Variants in PDE4A observed in about 807,000 individuals in gnomAD.
PDE4A encodes the protein 3',5'-cyclic-AMP phosphodiesterase 4A.
PDE4A carries 21 observed loss-of-function variants against 73.9 expected under a neutral mutation model. The observed-to-expected ratio is 0.28, with a 90% CI of 0.20 to 0.41. The LOEUF is 0.41. Among genes scored for constraint, PDE4A ranks in the 10% least tolerant of loss-of-function variants. PDE4A has a pLI of 1.00. For missense variants in PDE4A, 958 were observed against 1,211.4 expected, an observed-to-expected ratio of 0.79 and a Z score of 3.10; for synonymous variants, 463 against 505.4, an observed-to-expected ratio of 0.92 and a Z score of 1.13.
Position 10,454,918 on chromosome 19 carries a change from C to T in PDE4A, c.873C>T (p.Phe291=), listed in dbSNP as rs139027554. The change falls in exon 7 of 15, where the codon TTC becomes TTT. Residue 291 remains phenylalanine (F), a synonymous_variant. Transcript: ENST00000380702. ...TCTCAGAGTACATTTCCACAACATT[C>T]CTGGGTGAGTGAGGGGAAGCACGTG... is the stretch of plus-strand genomic sequence containing the variant. ...NQVSEYISTT[F]LDKQNEVEIP... The T allele has an allele frequency of 6.2e-7, 1 of 1,613,938 alleles. No individual in the cohort carries two copies. The highest frequency in any genetic ancestry group is 8.5e-7 in the Non-Finnish European group (1 of 1,179,904).
In PDE4A at chr19:10,442,251, G is replaced by A. The variant is rs190203066; in HGVS notation, c.321-3967G>A. The stretch of plus-strand genomic sequence containing the variant: ...AAGAAATAAGTTTGAAATCTCCTAG[G>A]CCTGCCAGGCACCTATAATCCCAGC... On this transcript the variant is annotated intron_variant, in intron 1 of 14. Coordinates refer to ENST00000380702, the MANE Select transcript of PDE4A (RefSeq NM_001111307.2). 3.0e-3 allele frequency among the ~76,000 whole-genome samples: 456 copies of A among 152,054 alleles called. 10 individuals are homozygous for A. Among genetic ancestry groups the A allele is most frequent in the Admixed American group, 0.027 (415 of 15,224 alleles).
intron 1 of PDE4A, among the ~76,000 whole-genome samples, chr19:10,421,907 T>C (rs778331756): frequency 5.3e-5 from 8 of 152,168 alleles, no homozygotes; most frequent in Non-Finnish European, 7.4e-5. Context: ...GTGTGCTCTG[T>C]GTGAGCTTCT....
At chr19:10,421,944 C>T (rs370652094) in intron 1 of PDE4A, among the ~76,000 whole-genome samples, 6 of 152,176 alleles carry the variant, frequency 3.9e-5, no homozygotes, top group Non-Finnish European at 5.9e-5. Context: ...GACACGATGA[C>T]TCTGTGTCCT....
chr19:10,440,045 C>T (rs937218598), intron 1 of PDE4A, among the ~76,000 whole-genome samples: 3 of 132,822 alleles, frequency 2.3e-5, no homozygotes, highest in Admixed American at 8.6e-5. Flanking sequence ...AGTGCAGTGG[C>T]GTGATCTTGG....
chr19:10,452,420 A>G (rs2043105560), intron 6 of PDE4A, among the ~76,000 whole-genome samples: 1 of 150,610 alleles, frequency 6.6e-6, no homozygotes, highest in African/African-American at 2.5e-5. Flanking sequence ...CTGGGCGACA[A>G]GAGTGAAAAC....
Position 10,467,962 on chromosome 19 carries a change from C to T in PDE4A, c.*341C>T, listed in dbSNP as rs200538384. ...TGTAGATGCTCCTGTTCCTGGTTCC[C>T]GCTTTCCACTTCCAAATCCCTCCCC... is the stretch of plus-strand genomic sequence containing the variant. On this transcript the variant is annotated 3_prime_UTR_variant, in exon 15 of 15. Coordinates refer to ENST00000380702, the MANE Select transcript of PDE4A (RefSeq NM_001111307.2). The T allele has an allele frequency of 5.3e-5, 9 of 170,934 alleles. No homozygotes were observed. The highest frequency in any genetic ancestry group is 1.3e-4 in the Admixed American group (2 of 15,910). 10.6% of individuals were successfully genotyped at this position (170,934 alleles called of 1,614,324 possible).
At position 10,466,982 on chromosome 19, in the gene PDE4A, C is replaced by A. The variant is rs1332670484; in HGVS notation, c.2022C>A (p.Asp674Glu). Residue 674 changes from aspartate to glutamate, a missense_variant, in exon 15 of 15, where the codon GAC becomes GAA. By Grantham distance (45) the Asp-to-Glu change is conservative. Transcript: ENST00000380702. ...AGGAGATCTTGGACACTTTGGAGGACAACCGGGACTGGTACTACAGCGCCA... is the reference window on the plus strand; with the variant it reads ...AGGAGATCTTGGACACTTTGGAGGAAAACCGGGACTGGTACTACAGCGCCA... ...DAQEILDTLE[D>E]NRDWYYSAIR... The A allele has an allele frequency of 6.8e-6, 11 of 1,614,170 alleles. No homozygotes were observed. The highest frequency in any genetic ancestry group is 9.3e-6 in the Non-Finnish European group (11 of 1,180,036).
chr19:10,420,467 G>T, upstream of PDE4A: 2 of 824,424 alleles, frequency 2.4e-6, no homozygotes, highest in Non-Finnish European at 2.9e-6. This position sits in a 1 kb window ranked among gnomAD's most constrained non-coding sequence, Gnocchi z 6.0. Context: ...GGGGCGGGGA[G>T]GGGCGGGACG....
At chr19:10,449,284 AAGCCAGAG>A in intron 4 of PDE4A, 134 bp downstream of exon 4, 1 of 905,288 alleles carries the variant, frequency 1.1e-6, no homozygotes, top group Non-Finnish European at 1.7e-6. Flanking sequence ...AGCTCCCAGA[AAGCCAGAG>A]AGCCATTGCA....
intron 2 of PDE4A, 184 bp from the exon 3 acceptor site, chr19:10,448,733 G>C (rs1422903145): frequency 2.5e-6 from 2 of 799,716 alleles, no homozygotes; most frequent in Admixed American, 1.3e-4. Context: ...CTCCTTGACT[G>C]CCATTTCTTC....
intron 4 of PDE4A, 127 bp downstream of exon 4, chr19:10,449,277 T>C: frequency 4.1e-6 from 4 of 978,138 alleles, no homozygotes; most frequent in Non-Finnish European, 6.2e-6. Flanking sequence ...AGACAACAGC[T>C]CCCAGAAAGC....
At chr19:10,433,889 G>A (rs989032093) in intron 1 of PDE4A, among the ~76,000 whole-genome samples, 7 of 151,810 alleles carry the variant, frequency 4.6e-5, no homozygotes, top group South Asian at 2.1e-4. Flanking sequence ...TGTGCGCCCC[G>A]GGGGAAGACA....
chr19:10,461,394 G>C, intron 11 of PDE4A, 132 bp from the exon 12 acceptor site: 2 of 1,511,076 alleles, frequency 1.3e-6, no homozygotes, highest in South Asian at 2.6e-5. Flanking sequence ...GCCGGGCTGG[G>C]GTAGAGCTGA....
At chr19:10,454,957 G>A in intron 7 of PDE4A, 35 bp downstream of exon 7, 1 of 1,608,098 alleles carries the variant, frequency 6.2e-7, no homozygotes, top group African/African-American at 1.3e-5. Flanking sequence ...TTGGAGGGGG[G>A]ACATTTGGGG....
intron 1 of PDE4A, 101 bp downstream of exon 1, chr19:10,421,185 C>T (rs1226166498): frequency 1.5e-6 from 2 of 1,332,946 alleles, no homozygotes; most frequent in Admixed American, 4.1e-5. Flanking sequence ...CGGGTGGGGT[C>T]GGTTTGGCTG....
intron 1 of PDE4A, among the ~76,000 whole-genome samples, chr19:10,421,500 T>G (rs948370046): frequency 6.6e-6 from 1 of 152,100 alleles, no homozygotes; most frequent in Admixed American, 6.5e-5. Flanking sequence ...AGGGGGTGCC[T>G]GCTAGGACCA....
chr19:10,461,149 T>A lies in PDE4A; in HGVS notation c.1465+46T>A, dbSNP rs929925736. The A allele has an allele frequency of 1.4e-5, 22 of 1,590,356 alleles. No individual in the cohort carries two copies. The South Asian group carries it at 2.4e-4, about 18-fold the overall frequency. On this transcript the variant is annotated intron_variant, in intron 11 of 14. Transcript: ENST00000380702. Reference sequence around the variant, plus strand: ...GCGGGGTTTGCTGAGTTGGAGGCGGTGTTGGCCAGGCTGGGGGCGGAACTA... The same window carrying A: ...GCGGGGTTTGCTGAGTTGGAGGCGGAGTTGGCCAGGCTGGGGGCGGAACTA...
At chr19:10,417,117 C>T (rs1879606652), upstream of PDE4A, 1 of 1,444,982 alleles carries the variant, frequency 6.9e-7, no homozygotes, top group Non-Finnish European at 9.1e-7. Context: ...AGTTTGGTCC[C>T]CTCGTGCCTC....
At chr19:10,417,018 G>T (rs2145432306), upstream of PDE4A, 3 of 1,535,626 alleles carry the variant, frequency 2.0e-6, no homozygotes, top group South Asian at 3.6e-5. Context: ...TGGGCTAGGG[G>T]CGGGGCTTCG....
Sources: allele counts gnomAD v4.1 joint callset (sites outside exome capture counted in the v4.1 genomes callset), GRCh38; gene constraint gnomAD v4.1.1; non-coding constraint Gnocchi (gnomAD v3.1); transcripts MANE v1.5; gene names NCBI Gene and HGNC (gene_info 2026-07-23, HGNC 2026-07-21).